Variants in RIMS3 observed in about 807,000 individuals in gnomAD.
RIMS3 encodes the protein regulating synaptic membrane exocytosis 3, also known as regulating synaptic membrane exocytosis protein 3.
RIMS3 carries 15 observed loss-of-function variants against 29.2 expected under a neutral mutation model. That is an observed-to-expected ratio of 0.51 (90% CI 0.34 to 0.79). The LOEUF is 0.79. RIMS3 is among the 30% of genes least tolerant of loss of function. The pLI, the probability that RIMS3 is intolerant of heterozygous loss-of-function variation, is 0.01. For synonymous variants in RIMS3, 161 were observed against 170.1 expected, an observed-to-expected ratio of 0.95 and a Z score of 0.41; for missense variants, 342 against 421.4, an observed-to-expected ratio of 0.81 and a Z score of 1.65.
At chr1:40,683,975 G>T in the RIMS3 span, among the ~76,000 whole-genome samples, 1 of 152,166 alleles carries the variant, frequency 6.6e-6, no homozygotes, top group Non-Finnish European at 1.5e-5. Flanking sequence ...AGTTACAGTA[G>T]ATACAACCAT....
At chr1:40,659,170 G>C (rs1206681536) in intron 1 of RIMS3, among the ~76,000 whole-genome samples, 2 of 152,256 alleles carry the variant, frequency 1.3e-5, no homozygotes, top group South Asian at 2.1e-4. Context: ...TGGAGACAAA[G>C]TAGGGGTGGG....
intron 5 of RIMS3, among the ~76,000 whole-genome samples, chr1:40,632,421 TATATATATATATATATA>T (rs1557667061): frequency 7.9e-4 from 5 of 6,316 alleles, no homozygotes; most frequent in African/African-American, 4.2e-3. Flanking sequence ...TATAAATTTA[TATATATATATATATATA>T]TATATATATA....
chr1:40,646,062 G>A (rs1031659266), intron 2 of RIMS3, among the ~76,000 whole-genome samples: 3 of 152,296 alleles, frequency 2.0e-5, no homozygotes, highest in African/African-American at 2.4e-5. Context: ...GGATTCGAAC[G>A]TGAACAGATT....
the RIMS3 span, among the ~76,000 whole-genome samples, chr1:40,670,955 G>C: frequency 6.6e-6 from 1 of 152,204 alleles, no homozygotes; most frequent in South Asian, 2.1e-4. Flanking sequence ...GGAGAAAGTA[G>C]CATTTTTTAA....
the RIMS3 span, among the ~76,000 whole-genome samples, chr1:40,679,587 C>T: frequency 7.4e-4 from 112 of 152,196 alleles, no homozygotes; most frequent in African/African-American, 2.6e-3. Flanking sequence ...AACAATAGGC[C>T]CTGATTTCCT....
chr1:40,655,775 C>G lies in RIMS3; in HGVS notation c.-206-7933G>C, dbSNP rs183091981. On this transcript the variant is annotated intron_variant, in intron 1 of 7. Coordinates refer to ENST00000372684, the MANE Select transcript of RIMS3 (RefSeq NM_014747.3). ...ATCCCAATACTTTGGGAGTCTCAGG[C>G]AGGCAGATCACTTGAGGTCAGGAGT... Among the ~76,000 whole-genome samples the G allele has an allele frequency of 2.1e-3, 320 of 152,320 alleles. 1 individual carries two copies. Among genetic ancestry groups the G allele is most frequent in the African/African-American group, 7.2e-3 (301 of 41,558 alleles).
At chr1:40,687,735 ATTC>A in the RIMS3 span, 2 of 151,892 alleles carry the variant, frequency 1.3e-5, no homozygotes, top group African/African-American at 4.8e-5. Flanking sequence ...TCTTTCCATG[ATTC>A]TTCTTCCATT....
At chr1:40,629,227 T>G in intron 6 of RIMS3, 44 bp downstream of exon 6, 1 of 1,522,782 alleles carries the variant, frequency 6.6e-7, no homozygotes, top group Non-Finnish European at 9.1e-7. Flanking sequence ...AGAGCTCGGC[T>G]CTATGCCCCT....
chr1:40,635,876 G>A lies in RIMS3; in HGVS notation c.359+40C>T, dbSNP rs377757118. Reference sequence around the variant, plus strand: ...CCAGTGGCTCTGTGACTGGAGGACCGAGGAGGAGGGAGGGGACCACAGCAC... The same window carrying A: ...CCAGTGGCTCTGTGACTGGAGGACCAAGGAGGAGGGAGGGGACCACAGCAC... On this transcript the variant is annotated intron_variant, in intron 4 of 7. Transcript: ENST00000372684. The surrounding 1 kb of genome is among the most constrained non-coding windows in gnomAD (Gnocchi z 4.1). 51 of 1,603,398 alleles carry A rather than the reference G, an allele frequency of 3.2e-5. No individual in the cohort carries two copies. The African/African-American group carries it at 4.1e-4, about 13-fold the overall frequency.
At chr1:40,633,401 ATAAAC>A (rs1456523048) in intron 4 of RIMS3, among the ~76,000 whole-genome samples, 1 of 152,288 alleles carries the variant, frequency 6.6e-6, no homozygotes, top group East Asian at 1.9e-4. Context: ...ACTTGAGAAA[ATAAAC>A]TAATAACAAT....
chr1:40,677,484 G>A, the RIMS3 span, among the ~76,000 whole-genome samples: 14 of 151,262 alleles, frequency 9.3e-5, no homozygotes, highest in Non-Finnish European at 1.5e-4. Flanking sequence ...GGATCACGAG[G>A]TCAGGAGATC....
chr1:40,654,326 C>A lies in RIMS3; in HGVS notation c.-206-6484G>T, dbSNP rs1292365735. 1.3e-5 allele frequency among the ~76,000 whole-genome samples: 2 copies of A among 152,208 alleles called. No individual in the cohort carries two copies. Among genetic ancestry groups the A allele is most frequent in the Non-Finnish European group, 2.9e-5 (2 of 68,028 alleles). On this transcript the variant is annotated intron_variant, in intron 1 of 7. Coordinates refer to ENST00000372684, the MANE Select transcript of RIMS3 (RefSeq NM_014747.3). This position sits in a 1 kb window ranked among gnomAD's most constrained non-coding sequence, Gnocchi z 5.3. ...AACCCAGCACAGGCTCGGCCCCAGG[C>A]CAGACAGACACCGCCCAAAGAGGTG...
intron 3 of RIMS3, among the ~76,000 whole-genome samples, chr1:40,641,294 G>A (rs989263932): frequency 6.6e-6 from 1 of 152,210 alleles, no homozygotes; most frequent in Non-Finnish European, 1.5e-5. Context: ...TCTTATGGAT[G>A]TGTATGTCTG....
chr1:40,689,358 T>C, the RIMS3 span, among the ~76,000 whole-genome samples: 4 of 152,184 alleles, frequency 2.6e-5, no homozygotes, highest in Admixed American at 1.3e-4. Context: ...ATTTGCTCAC[T>C]GCAACCTCCA....
intron 2 of RIMS3, among the ~76,000 whole-genome samples, chr1:40,642,344 A>G (rs986449472): frequency 6.6e-6 from 1 of 152,228 alleles, no homozygotes; most frequent in Admixed American, 6.5e-5. Context: ...GGATTGTTCT[A>G]AGGATTACAT....
rs1234523309 is a variant in RIMS3, at chr1:40,635,967, C to A, written c.308G>T (p.Gly103Val). The stretch of plus-strand genomic sequence containing the variant: ...GCTCCCATCGGTGGACTCCCGGCTG[C>A]CCTGGCGTGTGACCCGGCTCCGCAT... ...VEMRSRVTRQ[G>V]SRESTDGSTN... Residue 103 changes from glycine (G) to valine (V), a missense_variant, in exon 4 of 8, where the codon GGC (glycine) becomes GTC (valine). Physicochemically the swap from Gly to Val is moderately radical, Grantham distance 109 (BLOSUM62 -3). Coordinates refer to ENST00000372684, the MANE Select transcript of RIMS3 (RefSeq NM_014747.3). The surrounding 1 kb of genome is among the most constrained non-coding windows in gnomAD (Gnocchi z 4.1). The A allele has an allele frequency of 3.7e-6, 6 of 1,611,862 alleles. No homozygotes were observed.
chr1:40,653,492 T>C (rs2744806), intron 1 of RIMS3, among the ~76,000 whole-genome samples: 1,980 of 152,188 alleles, frequency 0.013, 43 homozygotes, highest in African/African-American at 0.043. Context: ...TGACTCCCTT[T>C]CTAAGGCACA....
chr1:40,649,318 C>A (rs978789753), intron 1 of RIMS3, among the ~76,000 whole-genome samples: 1 of 152,138 alleles, frequency 6.6e-6, no homozygotes, highest in Non-Finnish European at 1.5e-5. Context: ...TGCACACCAC[C>A]CCCCACTAAG....
At chr1:40,674,551 G>A in the RIMS3 span, among the ~76,000 whole-genome samples, 2 of 152,160 alleles carry the variant, frequency 1.3e-5, no homozygotes, top group Admixed American at 1.3e-4. Flanking sequence ...TAATCCCCAA[G>A]GCAACAGTGT....
Sources: gnomAD v4.1 joint callset for allele counts (sites outside exome capture counted in the v4.1 genomes callset) on GRCh38, gnomAD v4.1.1 for gene constraint, Gnocchi (gnomAD v3.1) non-coding constraint, MANE v1.5 for transcripts, NCBI Gene and HGNC (gene_info 2026-07-23, HGNC 2026-07-21) for gene names.